CEP104: variants seen among roughly 807,000 people sequenced by gnomAD.
CEP104 encodes the protein centrosomal protein 104, also known as centrosomal protein of 104 kDa.
CEP104 carries 84 observed loss-of-function variants against 113.3 expected under a neutral mutation model. The ratio of observed to expected loss-of-function variants is 0.74; its 90% CI spans 0.62 to 0.89. The LOEUF (loss-of-function observed/expected upper bound fraction) is 0.89, where lower values mean the gene tolerates loss of function less well. Among genes scored for constraint, CEP104 ranks in the 40% least tolerant of loss-of-function variants. CEP104 has a pLI of 0.00. For synonymous variants in CEP104, 378 were observed against 421.7 expected, an observed-to-expected ratio of 0.90 and a Z score of 1.27; for missense variants, 1,053 against 1,156.6, an observed-to-expected ratio of 0.91 and a Z score of 1.30.
At chr1:3,843,375 AATTT>A in intron 6 of CEP104, 10 of 436,348 alleles carry the variant, frequency 2.3e-5, no homozygotes, top group South Asian at 6.5e-5. Flanking sequence ...AAATATGTAT[AATTT>A]TTTTTTTTTT....
At position 3,823,480 on chromosome 1, in the gene CEP104, C is replaced by T. The variant is rs759250010; in HGVS notation, c.2447G>A (p.Ser816Asn). The change falls in exon 19 of 22, where the codon AGT becomes AAT. Residue 816 changes from serine (S) to asparagine (N), a missense_variant. Coordinates refer to ENST00000378230, the MANE Select transcript of CEP104 (RefSeq NM_014704.4). This position sits in a 1 kb window ranked among gnomAD's most constrained non-coding sequence, Gnocchi z 4.1. ...KDGFGKCYRC[S>N]EAVFKEELPR... is the part of the protein sequence containing the mutation. ...CAGCTCTTCCTTGAAAACAGCCTCA[C>T]TGCAACGGTAACACTTTCCAAACCC... 4 of 1,614,254 alleles carry T rather than the reference C, an allele frequency of 2.5e-6. No homozygotes were observed. The highest frequency in any genetic ancestry group is 3.4e-6 in the Non-Finnish European group (4 of 1,180,044).
intron 2 of CEP104, among the ~76,000 whole-genome samples, chr1:3,850,283 T>G (rs529666029): frequency 9.7e-4 from 148 of 152,336 alleles, no homozygotes; most frequent in African/African-American, 3.3e-3. Flanking sequence ...CAAAAATACC[T>G]TTCAAGCTGC....
At chr1:3,843,142 T>C in intron 6 of CEP104, 1 of 662,076 alleles carries the variant, frequency 1.5e-6, no homozygotes, top group Non-Finnish European at 2.8e-6. Flanking sequence ...TGGCAGCCCT[T>C]CCCTTCTTTC....
chr1:3,837,173 G>C (rs750497037), intron 9 of CEP104, 119 bp downstream of exon 9: 209 of 754,810 alleles, frequency 2.8e-4, no homozygotes, highest in Admixed American at 4.6e-4. Flanking sequence ...ATGGAACAGA[G>C]GTGGGTCTGG....
chr1:3,839,709 G>A lies in CEP104; in HGVS notation c.634C>T (p.Gln212Ter). The change falls in exon 7 of 22, where the codon CAG becomes TAG. Residue 212 changes from glutamine (Q) to a stop codon, truncating the protein, a stop_gained. Coordinates refer to ENST00000378230, the MANE Select transcript of CEP104 (RefSeq NM_014704.4). LOFTEE classifies it high-confidence loss of function. ...FDMYQDPEVAQIIRKLDERKR... is the reference protein window; with the variant it reads ...FDMYQDPEVA ...CTTTCATCTAATTTTCGTATGATCT[G>A]TGCAACTTCTGGATCTTGGTACATA... 6.2e-7 allele frequency: 1 copy of A among 1,614,034 alleles called. No individual in the cohort carries two copies. The highest frequency in any genetic ancestry group is 1.1e-5 in the South Asian group (1 of 91,070).
At position 3,823,798 on chromosome 1, in the gene CEP104, G is replaced by T. The variant is rs1200559707; in HGVS notation, c.2365-236C>A. ...CCTGTCATCTTAGCATCGGGCAGGG[G>T]CCACTGTCAAGGATGGGGAAGCTAC... On this transcript the variant is annotated intron_variant, in intron 18 of 21. Transcript: ENST00000378230. The surrounding 1 kb of genome is among the most constrained non-coding windows in gnomAD (Gnocchi z 4.1). 6.6e-6 allele frequency among the ~76,000 whole-genome samples: 1 copy of T among 152,204 alleles called. No homozygotes were observed. Among genetic ancestry groups the T allele is most frequent in the Non-Finnish European group, 1.5e-5 (1 of 68,042 alleles).
At chr1:3,830,202 CT>C (rs1442742917) in intron 13 of CEP104, among the ~76,000 whole-genome samples, 10 of 151,896 alleles carry the variant, frequency 6.6e-5, no homozygotes, top group Non-Finnish European at 2.9e-5. Context: ...TGTTTTGGAT[CT>C]TTTTTAAGAA....
rs993402641 is a variant in CEP104 at position 3,846,724 on chromosome 1, T to G, written c.426+751A>C. 2.0e-5 allele frequency among the ~76,000 whole-genome samples: 3 copies of G among 152,192 alleles called. No homozygotes were observed. The East Asian group carries it at 5.8e-4, about 29-fold the overall frequency. On this transcript the variant is annotated intron_variant, in intron 4 of 21. Transcript: ENST00000378230. ...AGGCAGCTTAATTGGACCTTTGCGCTCTTGTCCAGCTCACCCGCTTGGTCT... is the reference window on the plus strand; with the variant it reads ...AGGCAGCTTAATTGGACCTTTGCGCGCTTGTCCAGCTCACCCGCTTGGTCT...
chr1:3,844,233 G>A (rs1374191500), intron 6 of CEP104, among the ~76,000 whole-genome samples: 1 of 152,182 alleles, frequency 6.6e-6, no homozygotes, highest in African/African-American at 2.4e-5. Flanking sequence ...ACGGCTGACA[G>A]ATCTTTGTTC....
At chr1:3,845,589 C>T (rs1328384459) in intron 4 of CEP104, among the ~76,000 whole-genome samples, 1 of 151,928 alleles carries the variant, frequency 6.6e-6, no homozygotes. Context: ...TGTTTTTTTG[C>T]AGAGATAGGA....
At chr1:3,856,012 A>G in intron 1 of CEP104, 2 of 886,170 alleles carry the variant, frequency 2.3e-6, no homozygotes, top group South Asian at 1.0e-4. Flanking sequence ...CTGGCATGGT[A>G]AAAGGCAATT....
intron 3 of CEP104, among the ~76,000 whole-genome samples, chr1:3,847,896 G>C (rs970013111): frequency 9.2e-5 from 14 of 152,080 alleles, no homozygotes; most frequent in African/African-American, 3.4e-4. Context: ...GTGCAGTGGC[G>C]CGATCTTGGC....
Position 3,839,003 on chromosome 1 carries a change from G to C in CEP104, c.852C>G (p.Tyr284Ter). Residue 284 changes from tyrosine to a stop codon, truncating the protein, a stop_gained, in exon 8 of 22, where the codon TAC becomes TAG. Coordinates refer to ENST00000378230, the MANE Select transcript of CEP104 (RefSeq NM_014704.4). LOFTEE classifies it high-confidence loss of function. ...QQMEQYRAEV[Y>*]EQLELHSLLD... ...GGAGGCTGTGCAGCTCCAGCTGCTC[G>C]TACACCTCGGCACGATACTGCTCCA... 1.2e-6 allele frequency: 2 copies of C among 1,614,072 alleles called. No homozygotes were observed. Among genetic ancestry groups the C allele is most frequent in the Non-Finnish European group, 1.7e-6 (2 of 1,180,024 alleles).
In CEP104 at chr1:3,819,024, T is replaced by C. The variant is rs1643922103; in HGVS notation, c.2572-2654A>G. On this transcript the variant is annotated intron_variant, in intron 20 of 21. Transcript: ENST00000378230. This position sits in a 1 kb window ranked among gnomAD's most constrained non-coding sequence, Gnocchi z 4.6. ...CTCAGATCCACTCGGAGCTTTCTTC[T>C]GAGCAGTGTGGAGGGTGTCAAACTT... Among the ~76,000 whole-genome samples the C allele has an allele frequency of 6.6e-6, 1 of 152,238 alleles. No individual in the cohort carries two copies.
chr1:3,816,392 G>T, intron 20 of CEP104, 22 bp from the exon 21 acceptor site: 1 of 1,542,354 alleles, frequency 6.5e-7, no homozygotes, highest in Non-Finnish European at 8.8e-7. Context: ...GAGGCACACA[G>T]AGTGTTAATC....
At chr1:3,837,581 C>A in intron 8 of CEP104, 62 bp from the exon 9 acceptor site, 1 of 1,368,322 alleles carries the variant, frequency 7.3e-7, no homozygotes, top group Non-Finnish European at 1.0e-6. Context: ...ATATCTATCT[C>A]ATTCCTTCAG....
Position 3,823,254 on chromosome 1 carries a change from T to A in CEP104, c.2504-13A>T. The stretch of plus-strand genomic sequence containing the variant: ...TCCGGTTTGGCAGCTGAAATGATTT[T>A]AAAAAGACTCAGTCGCTCCCTGAAT... On this transcript the variant is annotated splice_polypyrimidine_tract_variant and intron_variant, in intron 19 of 21. Transcript: ENST00000378230. This position sits in a 1 kb window ranked among gnomAD's most constrained non-coding sequence, Gnocchi z 4.1. The A allele has an allele frequency of 4.3e-6, 7 of 1,614,150 alleles. No individual in the cohort carries two copies. The highest frequency in any genetic ancestry group is 5.9e-6 in the Non-Finnish European group (7 of 1,179,998).
At chr1:3,851,153 G>A (rs1256766258) in intron 2 of CEP104, among the ~76,000 whole-genome samples, 3 of 152,078 alleles carry the variant, frequency 2.0e-5, no homozygotes, top group Non-Finnish European at 2.9e-5. Context: ...GTATCAGGAC[G>A]CTGGCTCGCC....
chr1:3,828,759 TTCATATCCCA>T (rs1644142104), intron 15 of CEP104, among the ~76,000 whole-genome samples: 2 of 152,166 alleles, frequency 1.3e-5, no homozygotes, highest in African/African-American at 2.4e-5. Flanking sequence ...ATGAAGCTAA[TTCATATCCCA>T]GAAGCTGGGA....
Sources: allele counts gnomAD v4.1 joint callset (sites outside exome capture counted in the v4.1 genomes callset), GRCh38; gene constraint gnomAD v4.1.1; non-coding constraint Gnocchi (gnomAD v3.1); transcripts MANE v1.5; gene names NCBI Gene and HGNC (gene_info 2026-07-23, HGNC 2026-07-21).